The following HDGFL2 variants were observed in gnomAD, a reference collection of about 807,000 sequenced individuals.
HDGFL2 encodes HDGF like 2, also known as hepatoma-derived growth factor-related protein 2.
Under a neutral mutation model 77.1 loss-of-function variants are expected in HDGFL2, and 36 were observed. That is an observed-to-expected ratio of 0.47 (90% CI 0.36 to 0.62). HDGFL2 has a LOEUF of 0.62. Ranked by LOEUF, HDGFL2 falls within the 20% of genes least tolerant of loss-of-function variation. The pLI is 0.00. For missense variants in HDGFL2, 976 were observed against 973.4 expected (o/e 1.00, Z -0.04); for synonymous variants, 463 against 413.1 (o/e 1.12, Z -1.46).
chr19:4,475,280 C>T lies in HDGFL2; in HGVS notation c.78C>T (p.Asp26=). ...TCACTGGCCTCTCACTGCAGATCGA[C>T]GACATCGCGGATGGCGCCGTGAAGC... ...KGYPHWPARI[D]DIADGAVKPP... is the part of the protein sequence containing the mutation. Residue 26 remains aspartate (D), a synonymous_variant, in exon 2 of 16, where the codon GAC becomes GAT. Coordinates refer to ENST00000616600, the MANE Select transcript of HDGFL2 (RefSeq NM_001001520.3). 5 of 1,614,046 alleles carry T rather than the reference C, an allele frequency of 3.1e-6. No homozygotes were observed. The highest frequency in any genetic ancestry group is 4.2e-6 in the Non-Finnish European group (5 of 1,179,968).
intron 6 of HDGFL2, among the ~76,000 whole-genome samples, chr19:4,493,145 CTG>C (rs1376019261): frequency 1.7e-4 from 14 of 84,710 alleles, no homozygotes; most frequent in Non-Finnish European, 2.3e-4. Context: ...TTATCTGTGT[CTG>C]TGTGGTGTGT....
chr19:4,500,521 C>T (rs553084668), intron 14 of HDGFL2, among the ~76,000 whole-genome samples: 20 of 146,434 alleles, frequency 1.4e-4, no homozygotes, highest in African/African-American at 4.9e-4. Context: ...AGTGCAGTAG[C>T]GTGATCTTGG....
At chr19:4,474,995 TG>T in intron 1 of HDGFL2, 1 of 415,856 alleles carries the variant, frequency 2.4e-6, no homozygotes, top group Non-Finnish European at 4.4e-6. Context: ...CCCCACCCCC[TG>T]GTTGCTTCAG....
Position 4,494,283 on chromosome 19 carries a change from G to A in HDGFL2, c.1032G>A (p.Glu344=). The stretch of plus-strand genomic sequence containing the variant: ...AGGAGGAGCTGCGGCGCCTGCGGGA[G>A]CAGGAGAAGGAGGAGAAGGAGCGGA... ...EQEEELRRLR[E]QEKEEKERRR... Residue 344 remains glutamate (E), a synonymous_variant, in exon 9 of 16, where the codon GAG becomes GAA. Coordinates refer to ENST00000616600, the MANE Select transcript of HDGFL2 (RefSeq NM_001001520.3). 2 of 1,451,560 alleles carry A rather than the reference G, an allele frequency of 1.4e-6. No homozygotes were observed. The highest frequency in any genetic ancestry group is 1.8e-6 in the Non-Finnish European group (2 of 1,106,042). The allele number at this position is 1,451,560 out of a possible 1,614,324, so 89.9% of individuals were successfully genotyped here.
chr19:4,492,926 CTG>C (rs768635874), intron 6 of HDGFL2, among the ~76,000 whole-genome samples: 33 of 83,676 alleles, frequency 3.9e-4, no homozygotes, highest in South Asian at 2.1e-3. Context: ...TGGTGTGTAT[CTG>C]TGTGTGTGGT....
At position 4,494,161 on chromosome 19, in the gene HDGFL2, TC is replaced by T; in HGVS notation, c.915-3del. 6.7e-7 allele frequency: 1 copy of T among 1,491,824 alleles called. No homozygotes were observed. 92.4% of individuals were successfully genotyped at this position (1,491,824 alleles called of 1,614,324 possible). On this transcript the variant is annotated splice_region_variant and splice_polypyrimidine_tract_variant and intron_variant, in intron 8 of 15. Coordinates refer to ENST00000616600, the MANE Select transcript of HDGFL2 (RefSeq NM_001001520.3). ...GAGGTCCCCAACCGCCCCCTCCGCC[TC>T]CAGTGACAGCGACGAGGTGGACCGC... is the stretch of plus-strand genomic sequence containing the variant.
chr19:4,500,999 C>T (rs879597646), intron 14 of HDGFL2, among the ~76,000 whole-genome samples, 192 bp from the exon 15 acceptor site: 14 of 152,186 alleles, frequency 9.2e-5, no homozygotes, highest in South Asian at 6.2e-4. Flanking sequence ...CAGTGTGGCT[C>T]GGGCTGGGGC....
rs755818067 is a variant in HDGFL2 at position 4,475,583 on chromosome 19, G to A, written c.288G>A (p.Pro96=). ...CCCACGCCAGCTACAGCGCCCCTCC[G>A]GTGAGTACCCGGGGTGGAGAGCCAG... is the stretch of plus-strand genomic sequence containing the variant. The part of the protein sequence containing the change: ...NNPHASYSAP[P]PVSSSDSEAP... Residue 96 remains proline, a splice_region_variant and synonymous_variant, in exon 3 of 16, where the codon CCG becomes CCA. Coordinates refer to ENST00000616600, the MANE Select transcript of HDGFL2 (RefSeq NM_001001520.3). The A allele has an allele frequency of 1.5e-5, 24 of 1,573,094 alleles. No homozygotes were observed. The highest frequency in any genetic ancestry group is 6.4e-5 in the Admixed American group (3 of 46,742).
rs375598748 is a variant in HDGFL2 at position 4,501,929 on chromosome 19, C to T, written c.1935C>T (p.Pro645=). ...EDLHDSVREG[P]DLDRPGSDRQ... ...CCACCAGCAGCGTACGGGAGGGTCC[C>T]GACCTGGACAGGCCTGGGAGCGACC... The change falls in exon 16 of 16, where the codon CCC becomes CCT. Residue 645 remains proline (P), a synonymous_variant. Transcript: ENST00000616600. The T allele has an allele frequency of 3.6e-5, 54 of 1,480,428 alleles. No homozygotes were observed. Among genetic ancestry groups the T allele is most frequent in the African/African-American group, 2.0e-4 (14 of 69,760 alleles). The allele number at this position is 1,480,428 out of a possible 1,614,324, so 91.7% of individuals were successfully genotyped here.
At chr19:4,475,201 G>C in intron 1 of HDGFL2, 74 bp from the exon 2 acceptor site, 1 of 1,369,246 alleles carries the variant, frequency 7.3e-7, no homozygotes, top group South Asian at 1.2e-5. Context: ...TTTGCCCCAA[G>C]TAACTTGGCT....
intron 9 of HDGFL2, among the ~76,000 whole-genome samples, chr19:4,495,542 G>C (rs1975680486): frequency 6.6e-6 from 1 of 152,112 alleles, no homozygotes; most frequent in African/African-American, 2.4e-5. Flanking sequence ...GTGGCCTCTG[G>C]GGCTGGAGTG....
At chr19:4,481,793 G>C (rs1487694236) in intron 3 of HDGFL2, among the ~76,000 whole-genome samples, 1 of 152,054 alleles carries the variant, frequency 6.6e-6, no homozygotes, top group Non-Finnish European at 1.5e-5. Flanking sequence ...ATTTGGTAGT[G>C]CTGACCCCTC....
At chr19:4,497,888 T>C (rs2145213055) in intron 10 of HDGFL2, 70 bp from the exon 11 acceptor site, 1 of 1,400,044 alleles carries the variant, frequency 7.1e-7, no homozygotes, top group Non-Finnish European at 9.8e-7. Flanking sequence ...GGTCCACCCC[T>C]TCAGGCGCCA....
intron 6 of HDGFL2, among the ~76,000 whole-genome samples, chr19:4,493,151 GGTGT>G (rs902554089): frequency 1.1e-4 from 15 of 135,064 alleles, no homozygotes; most frequent in African/African-American, 3.4e-4. Context: ...GTGTCTGTGT[GGTGT>G]GTGTTGTCTG....
intron 10 of HDGFL2, 147 bp from the exon 11 acceptor site, chr19:4,497,811 C>T (rs1975746649): frequency 2.9e-6 from 2 of 684,076 alleles, no homozygotes; most frequent in East Asian, 2.7e-5. Context: ...GTGGCAGGGC[C>T]TCCCCGCCTC....
At chr19:4,475,183 C>T (rs1194721413) in intron 1 of HDGFL2, 92 bp from the exon 2 acceptor site, 9 of 1,071,192 alleles carry the variant, frequency 8.4e-6, no homozygotes, top group Non-Finnish European at 1.1e-5. Flanking sequence ...CCCCTCCTCC[C>T]AGCGTGATTT....
intron 3 of HDGFL2, among the ~76,000 whole-genome samples, chr19:4,477,297 A>G (rs1449387281): frequency 1.3e-5 from 2 of 152,194 alleles, no homozygotes; most frequent in Non-Finnish European, 2.9e-5. Context: ...CTCATGGTCC[A>G]GAATTGAGGA....
rs117077320 is a variant in HDGFL2 at position 4,478,582 on chromosome 19, C to T, written c.288+2999C>T. Among the ~76,000 whole-genome samples the T allele has an allele frequency of 6.8e-4, 103 of 152,136 alleles. 1 individual carries two copies. In the Middle Eastern group the frequency reaches 0.02, roughly 30 times the overall value. On this transcript the variant is annotated intron_variant, in intron 3 of 15. Coordinates refer to ENST00000616600, the MANE Select transcript of HDGFL2 (RefSeq NM_001001520.3). Reference sequence around the variant, plus strand: ...GGAAGGCCTGGGTCCCATCCCCTTGCGAAGCCAGTAGGTGAAACATGGCAG... The same window carrying T: ...GGAAGGCCTGGGTCCCATCCCCTTGTGAAGCCAGTAGGTGAAACATGGCAG...
chr19:4,500,574 C>G (rs572148769), intron 14 of HDGFL2, among the ~76,000 whole-genome samples: 2 of 141,274 alleles, frequency 1.4e-5, no homozygotes, highest in African/African-American at 5.0e-5. Context: ...CATTCTCCTG[C>G]CTCAGCCTCC....
Sources: allele counts gnomAD v4.1 joint callset (sites outside exome capture counted in the v4.1 genomes callset), GRCh38; gene constraint gnomAD v4.1.1; transcripts MANE v1.5; gene names NCBI Gene and HGNC (gene_info 2026-07-23, HGNC 2026-07-21).